SLC45A2: variants seen among roughly 807,000 people sequenced by gnomAD.
SLC45A2 encodes the protein solute carrier family 45 member 2, also known as membrane-associated transporter protein.
Under a neutral mutation model 45.5 loss-of-function variants are expected in SLC45A2, and 36 were observed. That is an observed-to-expected ratio of 0.79 (90% confidence interval 0.61 to 1.04). SLC45A2 has a LOEUF of 1.04. Among genes scored for constraint, SLC45A2 ranks in the 50% least tolerant of loss-of-function variants. The pLI, the probability that SLC45A2 is intolerant of heterozygous loss-of-function variation, is 0.00. For missense variants in SLC45A2, 719 were observed against 671.0 expected, an observed-to-expected ratio of 1.07 and a Z score of -0.79; for synonymous variants, 306 against 269.3, an observed-to-expected ratio of 1.14 and a Z score of -1.33.
At position 33,984,502 on chromosome 5, in the gene SLC45A2, G is replaced by A. The variant is rs184484047; in HGVS notation, c.82C>T (p.Pro28Ser). 6.2e-7 allele frequency: 1 copy of A among 1,613,288 alleles called. No individual in the cohort carries two copies. The highest frequency in any genetic ancestry group is 2.2e-5 in the East Asian group (1 of 44,890). ...ATGAGTCTGCTGGTGGGTCTTTTAG[G>A]CGGCTCCACAGAGTCAAAGGGGCCA... is the stretch of plus-strand genomic sequence containing the variant. ...DDGPFDSVEPPKRPTSRLIMH... is the reference protein window; with the variant it reads ...DDGPFDSVEPSKRPTSRLIMH... The change falls in exon 1 of 7, where the codon CCT becomes TCT. Residue 28 changes from proline to serine, a missense_variant. Coordinates refer to ENST00000296589, the MANE Select transcript of SLC45A2 (RefSeq NM_016180.5).
At chr5:33,956,435 G>C (rs868610422) in intron 3 of SLC45A2, among the ~76,000 whole-genome samples, 2 of 134,802 alleles carry the variant, frequency 1.5e-5, no homozygotes, top group South Asian at 2.1e-4. Flanking sequence ...GACAGGTCAA[G>C]AGAAAAGACC....
intron 4 of SLC45A2, among the ~76,000 whole-genome samples, chr5:33,952,691 A>T (rs867384690): frequency 0.029 from 822 of 28,064 alleles, 9 homozygotes; most frequent in African/African-American, 0.07. Flanking sequence ...TTTTTTTTTT[A>T]ATTTTTTTTT....
In SLC45A2 at chr5:33,947,334, A is replaced by C. The variant is rs1751965661; in HGVS notation, c.1197T>G (p.Gly399=). The change falls in exon 6 of 7, where the codon GGT becomes GGG. Residue 399 remains glycine (G), a synonymous_variant. Transcript: ENST00000296589. ...ACAGCAAATATCCCGTGAAGTAAAG[A>C]CCCTTTAATCCAATGTAGGATACCA... ...KVLVSYIGLK[G]LYFTGYLLFG... is the part of the protein sequence containing the mutation. The C allele has an allele frequency of 1.2e-6, 2 of 1,614,018 alleles. No homozygotes were observed. Among genetic ancestry groups the C allele is most frequent in the Non-Finnish European group, 1.7e-6 (2 of 1,180,028 alleles).
chr5:33,981,951 C>A (rs1171717132), intron 2 of SLC45A2, among the ~76,000 whole-genome samples: 1 of 152,214 alleles, frequency 6.6e-6, no homozygotes, highest in East Asian at 1.9e-4. Flanking sequence ...TGCTCTAATG[C>A]AAAAGTACAA....
intron 3 of SLC45A2, among the ~76,000 whole-genome samples, chr5:33,961,492 C>T (rs372925748): frequency 1.3e-5 from 2 of 152,202 alleles, no homozygotes; most frequent in East Asian, 3.8e-4. Flanking sequence ...TGTGGCTTTG[C>T]TGATGCTCTT....
Position 33,969,073 on chromosome 5 carries a change from G to C in SLC45A2, c.563-5057C>G, listed in dbSNP as rs1346617023. On this transcript the variant is annotated intron_variant, in intron 2 of 6. Coordinates refer to ENST00000296589, the MANE Select transcript of SLC45A2 (RefSeq NM_016180.5). ...TCTCTCTCTCTCTCTCTCTGTGTGT[G>C]TGTGTGTGTGTGTGTGTGTGTGTGG... Among the ~76,000 whole-genome samples, 428 of 48,708 alleles carry C rather than the reference G, an allele frequency of 8.8e-3. 2 individuals carry two copies. The highest frequency in any genetic ancestry group is 0.026 in the African/African-American group (374 of 14,468). The allele number at this position is 48,708 out of a possible 152,430, so 32.0% of individuals were successfully genotyped here.
intron 6 of SLC45A2, among the ~76,000 whole-genome samples, chr5:33,945,552 T>TA (rs921897844): frequency 2.0e-5 from 3 of 151,844 alleles, no homozygotes; most frequent in South Asian, 2.1e-4. Context: ...GTTTTTTTTT[T>TA]ACCTGTTACT....
At chr5:33,982,812 T>C (rs1448128707) in intron 1 of SLC45A2, among the ~76,000 whole-genome samples, 1 of 152,166 alleles carries the variant, frequency 6.6e-6, no homozygotes, top group African/African-American at 2.4e-5. Context: ...TCTCCTTAAA[T>C]AAAAAAGTAT....
chr5:33,978,937 T>C (rs1262110657), intron 2 of SLC45A2, among the ~76,000 whole-genome samples: 1 of 152,210 alleles, frequency 6.6e-6, no homozygotes, highest in Non-Finnish European at 1.5e-5. Flanking sequence ...GAAGGTAATA[T>C]TAAAATTATT....
intron 3 of SLC45A2, among the ~76,000 whole-genome samples, chr5:33,960,205 G>A (rs1161820360): frequency 1.3e-5 from 2 of 152,040 alleles, no homozygotes; most frequent in Non-Finnish European, 2.9e-5. Context: ...ATCAACACCA[G>A]CAGGGTAGAA....
At chr5:33,968,225 C>CA (rs1396376283) in intron 2 of SLC45A2, among the ~76,000 whole-genome samples, 1 of 151,910 alleles carries the variant, frequency 6.6e-6, no homozygotes, top group African/African-American at 2.4e-5. Flanking sequence ...CTTCTTAAGC[C>CA]AAGGGTTTTA....
rs1427532705 is a variant in SLC45A2, at chr5:33,980,370, T to C, written c.562+1866A>G. 2.6e-5 allele frequency among the ~76,000 whole-genome samples: 4 copies of C among 152,288 alleles called. No individual in the cohort carries two copies. In the East Asian group the frequency reaches 5.8e-4, roughly 22 times the overall value. ...AGCAATATGATGTCAACAAGTTCAC[T>C]GAATTCCTAAAATTTGACAATTGAT... On this transcript the variant is annotated intron_variant, in intron 2 of 6. Coordinates refer to ENST00000296589, the MANE Select transcript of SLC45A2 (RefSeq NM_016180.5).
In SLC45A2 at chr5:33,944,962, T is replaced by C. The variant is rs113305543; in HGVS notation, c.1369-90A>G. 69 of 1,196,412 alleles carry C rather than the reference T, an allele frequency of 5.8e-5. 2 individuals carry two copies. The highest frequency in any genetic ancestry group is 3.5e-4 in the African/African-American group (23 of 66,400). The allele number at this position is 1,196,412 out of a possible 1,614,324, so 74.1% of individuals were successfully genotyped here. Reference sequence around the variant, plus strand: ...CAAAATTTTTCTGTGACCAGCCAGATAGTAAATACCTTTGGCTTCGTGGAT... The same window carrying C: ...CAAAATTTTTCTGTGACCAGCCAGACAGTAAATACCTTTGGCTTCGTGGAT... On this transcript the variant is annotated intron_variant, in intron 6 of 6. Transcript: ENST00000296589.
In SLC45A2 at chr5:33,946,232, A is replaced by G. The variant is rs997208904; in HGVS notation, c.1368+931T>C. On this transcript the variant is annotated intron_variant, in intron 6 of 6. Transcript: ENST00000296589. The stretch of plus-strand genomic sequence containing the variant: ...TTAGCAGCAACATCCCACCTTGGTG[A>G]CAATGTTTGCCAGGGGATGAGGAAA... The G allele has an allele frequency of 5.1e-6, 5 of 985,302 alleles. No individual in the cohort carries two copies. The Admixed American group carries it at 3.1e-4, about 61-fold the overall frequency. 61.0% of individuals were successfully genotyped at this position (985,302 alleles called of 1,614,324 possible). A position where few individuals can be genotyped will look rare whatever the true frequency, so the allele number is the denominator to read the frequency against.
intron 6 of SLC45A2, chr5:33,945,814 G>T: frequency 2.4e-6 from 1 of 412,004 alleles, no homozygotes; most frequent in Non-Finnish European, 3.3e-6. Flanking sequence ...AAAGCATTAT[G>T]CTGAAAAACG....
At chr5:33,960,878 G>T (rs966865951) in intron 3 of SLC45A2, among the ~76,000 whole-genome samples, 17 of 152,288 alleles carry the variant, frequency 1.1e-4, no homozygotes, top group African/African-American at 3.4e-4. Context: ...AATGTACATG[G>T]TTCTCTATGA....
chr5:33,954,307 T>C, intron 4 of SLC45A2, 54 bp downstream of exon 4: 1 of 1,611,962 alleles, frequency 6.2e-7, no homozygotes, highest in Non-Finnish European at 8.5e-7. Flanking sequence ...TCAACAGGTG[T>C]TAATGGAGGA....
Position 33,970,238 on chromosome 5 carries a change from C to T in SLC45A2, c.563-6222G>A, listed in dbSNP as rs116263540. ...ACTGGACAGGTGCATCTGGATGGTG[C>T]CTAAACTGAGGGAAGACAGAAACAG... On this transcript the variant is annotated intron_variant, in intron 2 of 6. Transcript: ENST00000296589. 8.6e-3 allele frequency among the ~76,000 whole-genome samples: 1,307 copies of T among 152,284 alleles called. 19 individuals carry two copies. The highest frequency in any genetic ancestry group is 0.03 in the African/African-American group (1,228 of 41,552).
intron 2 of SLC45A2, among the ~76,000 whole-genome samples, chr5:33,979,382 CT>C (rs1455258518): frequency 1.3e-5 from 2 of 152,150 alleles, no homozygotes; most frequent in Non-Finnish European, 2.9e-5. Flanking sequence ...AACCAAGGTT[CT>C]TATTATACAG....
Sources: allele counts gnomAD v4.1 joint callset (sites outside exome capture counted in the v4.1 genomes callset), GRCh38; gene constraint gnomAD v4.1.1; transcripts MANE v1.5; gene names NCBI Gene and HGNC (gene_info 2026-07-23, HGNC 2026-07-21).